MYO1D: variants seen among roughly 807,000 people sequenced by gnomAD.
MYO1D encodes myosin ID.
Under a neutral mutation model 122.0 loss-of-function variants are expected in MYO1D, and 83 were observed. That is an observed-to-expected ratio of 0.68 (90% confidence interval 0.57 to 0.82). MYO1D has a LOEUF of 0.82. MYO1D is among the 40% of genes least tolerant of loss of function. The pLI is 0.00. For synonymous variants in MYO1D, 464 were observed against 446.9 expected, an observed-to-expected ratio of 1.04 and a Z score of -0.48; for missense variants, 1,157 against 1,269.5, an observed-to-expected ratio of 0.91 and a Z score of 1.35.
chr17:32,698,726 T>C (rs779379497), intron 16 of MYO1D, among the ~76,000 whole-genome samples: 25 of 152,136 alleles, frequency 1.6e-4, no homozygotes, highest in Non-Finnish European at 3.1e-4. Context: ...AGTTATTATA[T>C]TATTCTCAGT....
At chr17:32,765,656 C>T (rs892169165) in intron 7 of MYO1D, among the ~76,000 whole-genome samples, 1 of 152,064 alleles carries the variant, frequency 6.6e-6, no homozygotes, top group Non-Finnish European at 1.5e-5. Context: ...GACAGGGTTT[C>T]ACCATGTTAG....
At chr17:32,503,851 C>T (rs993823896) in intron 21 of MYO1D, among the ~76,000 whole-genome samples, 1 of 152,164 alleles carries the variant, frequency 6.6e-6, no homozygotes, top group African/African-American at 2.4e-5. Context: ...AGAAGTAAAT[C>T]CCCCTGCTGA....
intron 3 of MYO1D, among the ~76,000 whole-genome samples, chr17:32,777,130 TG>T (rs1230393179): frequency 1.3e-5 from 2 of 152,170 alleles, no homozygotes; most frequent in African/African-American, 4.8e-5. Context: ...CTCATCTAGT[TG>T]CTCTCCTGAG....
At chr17:32,512,736 G>C (rs545860843) in intron 21 of MYO1D, 1 of 152,230 alleles carries the variant, frequency 6.6e-6, no homozygotes, top group Non-Finnish European at 1.5e-5. Context: ...TGACTCACCT[G>C]CTCAGCCAGT....
rs200227818 is a variant in MYO1D, at chr17:32,738,367, C to T, written c.1632G>A (p.Lys544=). The part of the protein sequence containing the change: ...LMYNSSNPVL[K]NMWPEGKLSI... Reference sequence around the variant, plus strand: ...TCAGTTTGCCTTCAGGCCACATATTCTTGAGCACAGGATTTGAACTGAGAA... The same window carrying T: ...TCAGTTTGCCTTCAGGCCACATATTTTTGAGCACAGGATTTGAACTGAGAA... Residue 544 remains lysine (K), a synonymous_variant, in exon 14 of 22, where the codon AAG becomes AAA. Transcript: ENST00000318217. 18 of 1,598,534 alleles carry T rather than the reference C, an allele frequency of 1.1e-5. No homozygotes were observed.
intron 14 of MYO1D, among the ~76,000 whole-genome samples, chr17:32,729,048 G>T (rs2089607677): frequency 6.6e-6 from 1 of 152,158 alleles, no homozygotes; most frequent in African/African-American, 2.4e-5. Flanking sequence ...TAAATATCCA[G>T]ACTGACTCAG....
chr17:32,707,726 A>G (rs189087290), intron 16 of MYO1D, among the ~76,000 whole-genome samples: 1 of 152,364 alleles, frequency 6.6e-6, no homozygotes, highest in African/African-American at 2.4e-5. Flanking sequence ...TGTTTAAACT[A>G]TGTTTATACA....
chr17:32,534,705 G>A (rs920082272), intron 21 of MYO1D, among the ~76,000 whole-genome samples: 15 of 152,170 alleles, frequency 9.9e-5, no homozygotes, highest in Non-Finnish European at 7.3e-5. Flanking sequence ...ATGTTTCTCT[G>A]ACAAATGCTG....
At chr17:32,861,631 C>T (rs967228896) in intron 1 of MYO1D, among the ~76,000 whole-genome samples, 4 of 152,126 alleles carry the variant, frequency 2.6e-5, no homozygotes, top group African/African-American at 9.7e-5. Context: ...ATGAGTGCTC[C>T]ATCTTCACCT....
intron 21 of MYO1D, among the ~76,000 whole-genome samples, chr17:32,550,316 T>C (rs979666636): frequency 2.0e-5 from 3 of 152,138 alleles, no homozygotes; most frequent in Admixed American, 6.6e-5. Flanking sequence ...GCCAGGCTGG[T>C]CTCGAACTCC....
intron 16 of MYO1D, among the ~76,000 whole-genome samples, chr17:32,659,965 T>C (rs1405510513): frequency 6.6e-6 from 1 of 152,202 alleles, no homozygotes; most frequent in Non-Finnish European, 1.5e-5. Context: ...GCCAACTTCA[T>C]CCAAGCATGG....
At chr17:32,842,892 T>C (rs201541756) in intron 1 of MYO1D, among the ~76,000 whole-genome samples, 3,933 of 143,774 alleles carry the variant, frequency 0.027, 123 homozygotes, top group East Asian at 0.19. Flanking sequence ...CTTTCTTTTT[T>C]TTTTTTTTTT....
chr17:32,536,863 T>C (rs912529557), intron 21 of MYO1D, among the ~76,000 whole-genome samples: 1 of 152,196 alleles, frequency 6.6e-6, no homozygotes, highest in Admixed American at 6.5e-5. Context: ...GGAAAAAAGT[T>C]CCATGAATTG....
intron 1 of MYO1D, among the ~76,000 whole-genome samples, chr17:32,827,817 C>G (rs2090736411): frequency 6.6e-6 from 1 of 151,910 alleles, no homozygotes; most frequent in Admixed American, 6.6e-5. Flanking sequence ...AAAAAGTAAC[C>G]TTGAAAAAAA....
At chr17:32,869,675 T>C (rs1246621582) in intron 1 of MYO1D, among the ~76,000 whole-genome samples, 2 of 152,166 alleles carry the variant, frequency 1.3e-5, no homozygotes, top group African/African-American at 4.8e-5. Flanking sequence ...GATCACTAAA[T>C]AAACACATTT....
chr17:32,503,130 G>C (rs1909373179), intron 21 of MYO1D, among the ~76,000 whole-genome samples: 1 of 152,210 alleles, frequency 6.6e-6, no homozygotes, highest in African/African-American at 2.4e-5. Context: ...CTTGATCTAT[G>C]GAATGAACAA....
rs549464549 is a variant in MYO1D, at chr17:32,656,092, C to T, written c.2346-1471G>A. On this transcript the variant is annotated intron_variant, in intron 17 of 21. Transcript: ENST00000318217. ...ACAAGTTCTCTTATGCGCTTGGCGG[C>T]ACCCTAGCCCTGCACGATGCTTATA... 2.1e-4 allele frequency among the ~76,000 whole-genome samples: 32 copies of T among 152,296 alleles called. No homozygotes were observed. In the East Asian group the frequency reaches 6.2e-3, roughly 29 times the overall value.
intron 16 of MYO1D, among the ~76,000 whole-genome samples, chr17:32,691,291 A>G (rs1256676323): frequency 6.6e-6 from 1 of 151,196 alleles, no homozygotes; most frequent in African/African-American, 2.4e-5. Context: ...TATTTCTTCT[A>G]TCTTACTGTA....
chr17:32,813,442 A>AAT (rs1439177463), intron 1 of MYO1D, among the ~76,000 whole-genome samples: 1 of 152,224 alleles, frequency 6.6e-6, no homozygotes, highest in Non-Finnish European at 1.5e-5. Flanking sequence ...CAGAAGTAAC[A>AAT]TCTAAGTTGA....
Sources: allele counts gnomAD v4.1 joint callset (sites outside exome capture counted in the v4.1 genomes callset), GRCh38; gene constraint gnomAD v4.1.1; transcripts MANE v1.5; gene names NCBI Gene and HGNC (gene_info 2026-07-23, HGNC 2026-07-21).